UBFD1: variants seen among roughly 807,000 people sequenced by gnomAD.
The protein encoded by UBFD1 is ubiquitin domain-containing protein UBFD1.
Under a neutral mutation model 35.1 loss-of-function variants are expected in UBFD1, and 12 were observed. The observed-to-expected ratio is 0.34, with a 90% CI of 0.22 to 0.55. The LOEUF (loss-of-function observed/expected upper bound fraction) is 0.55. Among genes scored for constraint, UBFD1 ranks in the 20% least tolerant of loss-of-function variants. UBFD1 has a pLI of 0.89. For missense variants in UBFD1, 337 were observed against 410.8 expected, an observed-to-expected ratio of 0.82 and a Z score of 1.55; for synonymous variants, 178 against 167.6, an observed-to-expected ratio of 1.06 and a Z score of -0.48.
At chr16:23,559,243 G>A (rs1253405711) in intron 2 of UBFD1, 3 of 445,390 alleles carry the variant, frequency 6.7e-6, no homozygotes, top group Non-Finnish European at 1.2e-5. Context: ...CCCCGCATTG[G>A]TCTCTTAATC....
chr16:23,563,366 C>T (rs988452656), intron 5 of UBFD1, among the ~76,000 whole-genome samples: 4 of 152,212 alleles, frequency 2.6e-5, no homozygotes, highest in Admixed American at 1.3e-4. Flanking sequence ...GCCCCACCCC[C>T]GCCTGTGCAC....
In UBFD1 at chr16:23,570,767, T is replaced by G. The variant is rs1313195308; in HGVS notation, c.*177T>G. ...TGATGTACTTTCACCATTAGCTTAATTTTAACTTAAAATTACCAGTTCCCT... is the reference window on the plus strand; with the variant it reads ...TGATGTACTTTCACCATTAGCTTAAGTTTAACTTAAAATTACCAGTTCCCT... On this transcript the variant is annotated 3_prime_UTR_variant, in exon 7 of 7. Coordinates refer to ENST00000395878, the MANE Select transcript of UBFD1 (RefSeq NM_019116.3). 1 of 502,358 alleles carries G rather than the reference T, an allele frequency of 2.0e-6. No homozygotes were observed. Among genetic ancestry groups the G allele is most frequent in the Admixed American group, 3.7e-5 (1 of 26,948 alleles). The allele number at this position is 502,358 out of a possible 1,614,324, so 31.1% of individuals were successfully genotyped here.
chr16:23,562,174 T>G (rs781183380), intron 3 of UBFD1, 32 bp from the exon 4 acceptor site: 3 of 1,576,528 alleles, frequency 1.9e-6, no homozygotes, highest in Admixed American at 3.4e-5. Context: ...TGTAGTCAGC[T>G]GTTTCATTTC....
At position 23,562,745 on chromosome 16, in the gene UBFD1, G is replaced by A. The variant is rs367608483; in HGVS notation, c.736+15G>A. On this transcript the variant is annotated intron_variant, in intron 5 of 6. Coordinates refer to ENST00000395878, the MANE Select transcript of UBFD1 (RefSeq NM_019116.3). ...TGGCACTAAAGGTATGTTCTTCCTC[G>A]CCTCCTTGCTGGCCCACTGCCTGCC... is the stretch of plus-strand genomic sequence containing the variant. The A allele has an allele frequency of 9.9e-6, 16 of 1,610,758 alleles. No individual in the cohort carries two copies. Among genetic ancestry groups the A allele is most frequent in the Middle Eastern group, 1.7e-4 (1 of 5,870 alleles).
chr16:23,561,303 G>T (rs1282784805), intron 3 of UBFD1, among the ~76,000 whole-genome samples: 4 of 152,214 alleles, frequency 2.6e-5, no homozygotes, highest in Admixed American at 2.0e-4. Context: ...GGGCTGGCTT[G>T]TGGCTGCCTA....
At chr16:23,563,633 C>A (rs181048967) in intron 5 of UBFD1, among the ~76,000 whole-genome samples, 13 of 152,274 alleles carry the variant, frequency 8.5e-5, no homozygotes, top group Admixed American at 7.8e-4. Flanking sequence ...ATCCTGGGTA[C>A]CCGTGCTCAA....
intron 5 of UBFD1, chr16:23,565,979 C>T (rs925543878): frequency 6.6e-6 from 1 of 152,358 alleles, no homozygotes; most frequent in Admixed American, 6.6e-5. Context: ...TCCCGGCAGT[C>T]TCATCTCACT....
rs1966116580 is a variant in UBFD1 at position 23,573,645 on chromosome 16, C to T, written c.*3055C>T. The T allele has an allele frequency of 6.5e-6, 1 of 152,680 alleles. No individual in the cohort carries two copies. Among genetic ancestry groups the T allele is most frequent in the Non-Finnish European group, 1.5e-5 (1 of 68,062 alleles). 9.5% of individuals were successfully genotyped at this position (152,680 alleles called of 1,614,324 possible). ...CCCACGTAAGGCCCTGAGTAGGCTC[C>T]TTAGTTGCTGCTTTACCTGATGAGG... is the stretch of plus-strand genomic sequence containing the variant. On this transcript the variant is annotated 3_prime_UTR_variant, in exon 7 of 7. Coordinates refer to ENST00000395878, the MANE Select transcript of UBFD1 (RefSeq NM_019116.3).
chr16:23,558,861 G>A (rs1811175), intron 2 of UBFD1, among the ~76,000 whole-genome samples: 14,278 of 150,460 alleles, frequency 0.095, 1,075 homozygotes, highest in African/African-American at 0.21. Flanking sequence ...GCTCACTGCA[G>A]CCTCCGCCTC....
chr16:23,568,045 A>T (rs1386987073), intron 6 of UBFD1, among the ~76,000 whole-genome samples: 1 of 152,158 alleles, frequency 6.6e-6, no homozygotes, highest in South Asian at 2.1e-4. Context: ...GTGTGGCTGT[A>T]GCAAGGCTGT....
At chr16:23,563,193 A>G (rs1200329509) in intron 5 of UBFD1, among the ~76,000 whole-genome samples, 1 of 151,778 alleles carries the variant, frequency 6.6e-6, no homozygotes, top group Non-Finnish European at 1.5e-5. Flanking sequence ...AGTGGGCCAT[A>G]CTACAGTCTT....
chr16:23,568,157 CTT>C (rs34119136), intron 6 of UBFD1, among the ~76,000 whole-genome samples: 6 of 114,614 alleles, frequency 5.2e-5, no homozygotes, highest in Non-Finnish European at 7.0e-5. Flanking sequence ...TCTCTGTAGT[CTT>C]TTTTTTTTTT....
At position 23,562,246 on chromosome 16, in the gene UBFD1, T is replaced by C; in HGVS notation, c.605T>C (p.Val202Ala). The C allele has an allele frequency of 6.2e-7, 1 of 1,614,134 alleles. No homozygotes were observed. Among genetic ancestry groups the C allele is most frequent in the Non-Finnish European group, 8.5e-7 (1 of 1,180,020 alleles). Residue 202 changes from valine to alanine, a missense_variant, in exon 4 of 7, where the codon GTG (valine) becomes GCG (alanine). Val to Ala is a moderately conservative substitution (Grantham distance 64, BLOSUM62 0). Coordinates refer to ENST00000395878, the MANE Select transcript of UBFD1 (RefSeq NM_019116.3). ...KVLDKGKPED[V>A]MPSVKGAQER... is the part of the protein sequence containing the mutation. ...TTGGATAAAGGAAAACCTGAAGATG[T>C]GATGCCATCTGTTAAGGGGGCCCAG...
Position 23,558,230 on chromosome 16 carries a change from C to A in UBFD1, c.306C>A (p.Pro102=). The change falls in exon 2 of 7, where the codon CCC becomes CCA. Residue 102 remains proline, a synonymous_variant. Transcript: ENST00000395878. ...WNKTKHDVKF[P]LDSTGSELKQ... is the part of the protein sequence containing the mutation. ...AGACCAAGCATGACGTGAAGTTCCC[C>A]CTGGACAGCACAGGCTCCGAGCTGA... 6.2e-7 allele frequency: 1 copy of A among 1,609,960 alleles called. No homozygotes were observed. Among genetic ancestry groups the A allele is most frequent in the Non-Finnish European group, 8.5e-7 (1 of 1,178,352 alleles).
chr16:23,557,840 G>C, intron 1 of UBFD1, 73 bp downstream of exon 1: 12 of 1,267,438 alleles, frequency 9.5e-6, no homozygotes, highest in Non-Finnish European at 1.2e-5. Flanking sequence ...GATGCGGCCC[G>C]GCCCGGGAGG....
At position 23,559,837 on chromosome 16, in the gene UBFD1, C is replaced by T. The variant is rs1365815756; in HGVS notation, c.564+161C>T. 5.2e-6 allele frequency: 8 copies of T among 1,538,800 alleles called. No individual in the cohort carries two copies. In the East Asian group the frequency reaches 1.5e-4, roughly 28 times the overall value. On this transcript the variant is annotated intron_variant, in intron 3 of 6. Transcript: ENST00000395878. ...TGCCGCAGAGTGGAGGTGACAACTA[C>T]CTGAGATTTGCAACTTTGTCTCATC...
rs759293535 is a variant in UBFD1 at position 23,571,081 on chromosome 16, G to A, written c.*491G>A. The A allele has an allele frequency of 6.6e-6, 1 of 152,224 alleles. No individual in the cohort carries two copies. Among genetic ancestry groups the A allele is most frequent in the Non-Finnish European group, 1.5e-5 (1 of 67,964 alleles). The allele number at this position is 152,224 out of a possible 1,614,324, so 9.4% of individuals were successfully genotyped here. On this transcript the variant is annotated 3_prime_UTR_variant, in exon 7 of 7. Coordinates refer to ENST00000395878, the MANE Select transcript of UBFD1 (RefSeq NM_019116.3). Reference sequence around the variant, plus strand: ...TAAAATTGTATGCAAAATGGGGGTGGGTTAGTAAGCCACATATTTCTGTCC... The same window carrying A: ...TAAAATTGTATGCAAAATGGGGGTGAGTTAGTAAGCCACATATTTCTGTCC...
chr16:23,563,629 G>C (rs1478127055), intron 5 of UBFD1, among the ~76,000 whole-genome samples: 3 of 152,024 alleles, frequency 2.0e-5, no homozygotes, highest in Non-Finnish European at 4.4e-5. Flanking sequence ...TTTTATCCTG[G>C]GTACCCGTGC....
intron 5 of UBFD1, chr16:23,566,362 T>G (rs1966010841): frequency 6.6e-6 from 1 of 152,142 alleles, no homozygotes; most frequent in African/African-American, 2.4e-5. Context: ...TTTATTTATT[T>G]TATATTTTTT....
Sources: allele counts gnomAD v4.1 joint callset (sites outside exome capture counted in the v4.1 genomes callset), GRCh38; gene constraint gnomAD v4.1.1; transcripts MANE v1.5; gene names NCBI Gene and HGNC (gene_info 2026-07-23, HGNC 2026-07-21).